The following PDE1C variants were observed in gnomAD, a reference collection of about 807,000 sequenced individuals.
The protein encoded by PDE1C is phosphodiesterase 1C.
In PDE1C, 62 loss-of-function variants were observed where a neutral mutation model predicts 93.1. That is an observed-to-expected ratio of 0.67 (90% confidence interval 0.54 to 0.82). The LOEUF (loss-of-function observed/expected upper bound fraction) is 0.82, where lower values mean the gene tolerates loss of function less well. PDE1C is among the 40% of genes least tolerant of loss of function. The pLI, the probability that PDE1C is intolerant of heterozygous loss-of-function variation, is 0.00. For synonymous variants in PDE1C, 325 were observed against 310.1 expected, an observed-to-expected ratio of 1.05 and a Z score of -0.50; for missense variants, 742 against 884.6, an observed-to-expected ratio of 0.84 and a Z score of 2.04.
intron 2 of PDE1C, among the ~76,000 whole-genome samples, chr7:32,047,032 G>GGTGTGTGT (rs60646988): frequency 0.098 from 14,495 of 148,646 alleles, 790 homozygotes; most frequent in Non-Finnish European, 0.13. Flanking sequence ...CTGAAATAGG[G>GGTGTGTGT]GTGTGTGTGT....
chr7:32,212,763 C>T (rs1477943523), intron 1 of PDE1C, among the ~76,000 whole-genome samples: 4 of 152,168 alleles, frequency 2.6e-5, no homozygotes, highest in Non-Finnish European at 4.4e-5. Context: ...AAAGCCTCCT[C>T]GCCTCACACC....
intron 2 of PDE1C, among the ~76,000 whole-genome samples, chr7:31,928,561 C>T (rs748660500): frequency 3.9e-5 from 6 of 152,142 alleles, no homozygotes; most frequent in Non-Finnish European, 5.9e-5. Flanking sequence ...CAAAGGGATG[C>T]CCATCTAACT....
At chr7:31,764,329 A>G (rs952513818) in intron 17 of PDE1C, among the ~76,000 whole-genome samples, 2 of 152,104 alleles carry the variant, frequency 1.3e-5, no homozygotes, top group Non-Finnish European at 2.9e-5. Context: ...TATTTTTAGT[A>G]GAGATGGGGT....
At chr7:32,296,769 T>C (rs991524584) in intron 1 of PDE1C, among the ~76,000 whole-genome samples, 1 of 152,228 alleles carries the variant, frequency 6.6e-6, no homozygotes, top group Non-Finnish European at 1.5e-5. Context: ...AGAAAACCAA[T>C]TTAACATGAC....
intron 11 of PDE1C, among the ~76,000 whole-genome samples, chr7:31,833,347 T>C (rs994813651): frequency 2.0e-5 from 3 of 152,168 alleles, no homozygotes; most frequent in Non-Finnish European, 4.4e-5. Context: ...ATACAGTAAA[T>C]TGGTACTGGT....
At chr7:31,725,344 A>G in the PDE1C span, among the ~76,000 whole-genome samples, 1 of 152,212 alleles carries the variant, frequency 6.6e-6, no homozygotes, top group African/African-American at 2.4e-5. Context: ...AGTCCTCACA[A>G]CATGATTTAT....
the PDE1C span, among the ~76,000 whole-genome samples, chr7:31,673,536 A>T: frequency 6.6e-6 from 1 of 152,052 alleles, no homozygotes; most frequent in African/African-American, 2.4e-5. Flanking sequence ...AATTTTTCTC[A>T]TGTGTTTTAA....
intron 3 of PDE1C, among the ~76,000 whole-genome samples, chr7:32,095,754 G>C (rs1179668886): frequency 6.6e-6 from 1 of 152,084 alleles, no homozygotes; most frequent in Non-Finnish European, 1.5e-5. Flanking sequence ...TGAGAAACAG[G>C]GTGCCTCACA....
chr7:31,644,738 C>A, the PDE1C span, among the ~76,000 whole-genome samples: 6 of 152,156 alleles, frequency 3.9e-5, 1 homozygote, highest in Admixed American at 3.9e-4. Context: ...ATGATCTAGG[C>A]TTTCAGGGCC....
intron 3 of PDE1C, among the ~76,000 whole-genome samples, chr7:32,114,443 C>T (rs775284215): frequency 1.1e-4 from 17 of 152,166 alleles, no homozygotes; most frequent in Non-Finnish European, 2.4e-4. Context: ...AACTGGACCC[C>T]TTCCTTACAC....
intron 3 of PDE1C, among the ~76,000 whole-genome samples, chr7:32,107,375 G>A (rs1463774329): frequency 6.6e-6 from 1 of 151,768 alleles, no homozygotes. Flanking sequence ...AGCAAGGGAG[G>A]GAAGGAAGGA....
intron 3 of PDE1C, among the ~76,000 whole-genome samples, chr7:32,092,164 T>TGAGA (rs3078655): frequency 0.011 from 1,589 of 149,000 alleles, 16 homozygotes; most frequent in Middle Eastern, 0.028. Flanking sequence ...CTTTTGTTCA[T>TGAGA]GAGAGAGAGA....
chr7:32,309,518 A>C (rs1270352987), intron 1 of PDE1C, among the ~76,000 whole-genome samples: 1 of 152,250 alleles, frequency 6.6e-6, no homozygotes, highest in Admixed American at 6.5e-5. Flanking sequence ...GGTTACCCTC[A>C]AAGGGAAGCC....
intron 3 of PDE1C, among the ~76,000 whole-genome samples, chr7:32,086,841 A>G (rs1234574756): frequency 1.3e-5 from 2 of 152,130 alleles, no homozygotes; most frequent in Admixed American, 6.5e-5. Context: ...TGCACCTTAT[A>G]CAAAAATTAA....
chr7:32,112,318 CTTT>C (rs1798686041), intron 3 of PDE1C, among the ~76,000 whole-genome samples: 1 of 151,816 alleles, frequency 6.6e-6, no homozygotes, highest in African/African-American at 2.4e-5. Context: ...TCTTCTTTTT[CTTT>C]ATTTTTCCAA....
intron 1 of PDE1C, among the ~76,000 whole-genome samples, chr7:32,059,862 T>G (rs1475221483): frequency 6.6e-6 from 1 of 152,240 alleles, no homozygotes; most frequent in Non-Finnish European, 1.5e-5. Context: ...GTACGTTTTT[T>G]GCATAACTGA....
intron 1 of PDE1C, among the ~76,000 whole-genome samples, chr7:32,260,366 G>A (rs1327163364): frequency 1.3e-5 from 2 of 152,210 alleles, no homozygotes; most frequent in South Asian, 2.1e-4. Context: ...AAATAGGAAT[G>A]TGTAATTATT....
At chr7:31,968,383 C>T (rs1810364651) in intron 2 of PDE1C, among the ~76,000 whole-genome samples, 1 of 151,754 alleles carries the variant, frequency 6.6e-6, no homozygotes. Context: ...AATAAAATAC[C>T]TAGGAATCCA....
At chr7:31,993,966 G>A (rs570956815) in intron 2 of PDE1C, among the ~76,000 whole-genome samples, 2 of 152,228 alleles carry the variant, frequency 1.3e-5, no homozygotes, top group East Asian at 1.9e-4. Context: ...ATTTCCCTGT[G>A]TAGAAGATAG....
Sources: allele counts gnomAD v4.1 joint callset (sites outside exome capture counted in the v4.1 genomes callset), GRCh38; gene constraint gnomAD v4.1.1; transcripts MANE v1.5; gene names NCBI Gene and HGNC (gene_info 2026-07-23, HGNC 2026-07-21).